Variants in GIGYF2 observed in about 807,000 individuals in gnomAD.
The protein encoded by GIGYF2 is GRB10-interacting GYF protein 2.
A neutral mutation model predicts 208.1 loss-of-function variants in GIGYF2; 25 were observed. The observed-to-expected ratio is 0.12, with a 90% CI of 0.09 to 0.17. GIGYF2 has a LOEUF of 0.17. Ranked by LOEUF, GIGYF2 falls within the 10% of genes least tolerant of loss-of-function variation. GIGYF2 has a pLI of 1.00. For missense variants in GIGYF2, 1,302 were observed against 1,579.4 expected, an observed-to-expected ratio of 0.82 and a Z score of 2.98; for synonymous variants, 534 against 543.8, an observed-to-expected ratio of 0.98 and a Z score of 0.25.
At chr2:232,746,539 A>G (rs916703871) in intron 3 of GIGYF2, among the ~76,000 whole-genome samples, 2 of 152,192 alleles carry the variant, frequency 1.3e-5, no homozygotes, top group Non-Finnish European at 2.9e-5. Context: ...ACACAGTGCT[A>G]CAGTAGAATC....
In GIGYF2 at chr2:232,784,386, C is replaced by CTTTTTTTTTTTTT. The variant is rs10645449; in HGVS notation, c.533-2755_533-2743dup. 1.8e-3 allele frequency among the ~76,000 whole-genome samples: 166 copies of CTTTTTTTTTTTTT among 92,292 alleles called. 13 individuals are homozygous for CTTTTTTTTTTTTT. Among genetic ancestry groups the CTTTTTTTTTTTTT allele is most frequent in the Middle Eastern group, 8.9e-3 (1 of 112 alleles). 60.5% of individuals were successfully genotyped at this position (92,292 alleles called of 152,430 possible). A position where few individuals can be genotyped will look rare whatever the true frequency, so the allele number is the denominator to read the frequency against. On this transcript the variant is annotated intron_variant, in intron 8 of 28. Transcript: ENST00000373563. ...TCTAGCTACTTACACGAAATAATTT[C>CTTTTTTTTTTTTT]TTTTTTTTTTTTTTTTTTTTTGAGA...
intron 3 of GIGYF2, among the ~76,000 whole-genome samples, chr2:232,739,716 C>T (rs1210177081): frequency 6.6e-6 from 1 of 151,984 alleles, no homozygotes; most frequent in African/African-American, 2.4e-5. Context: ...GGGGAAAGAT[C>T]TAAGTTACCC....
intron 2 of GIGYF2, among the ~76,000 whole-genome samples, chr2:232,714,241 A>G (rs1200452636): frequency 6.6e-6 from 1 of 152,124 alleles, no homozygotes. Flanking sequence ...GTGAGCCACC[A>G]TGCCGGACCG....
intron 2 of GIGYF2, among the ~76,000 whole-genome samples, chr2:232,727,093 TA>T (rs1697236474): frequency 1.3e-5 from 2 of 152,134 alleles, no homozygotes; most frequent in African/African-American, 4.8e-5. Flanking sequence ...GCTTCCTGAG[TA>T]ACTGGGATTA....
chr2:232,707,504 T>C (rs146676305), intron 2 of GIGYF2, among the ~76,000 whole-genome samples: 2 of 152,176 alleles, frequency 1.3e-5, no homozygotes. Flanking sequence ...GTGGTGCTGC[T>C]CAAACCATGA....
At chr2:232,831,347 A>C (rs1701420696) in intron 21 of GIGYF2, among the ~76,000 whole-genome samples, 1 of 152,166 alleles carries the variant, frequency 6.6e-6, no homozygotes, top group South Asian at 2.1e-4. Context: ...TTAGACATAG[A>C]TAGCTTCCAA....
chr2:232,858,254 T>C lies in GIGYF2; in HGVS notation c.*1394T>C. ...CCCCTGGAAAAGCACCTTTGCTGCC[T>C]GTCATTGTTGCCTGAAGAAGGCTGG... On this transcript the variant is annotated 3_prime_UTR_variant, in exon 29 of 29. Transcript: ENST00000373563. 5.8e-6 allele frequency: 2 copies of C among 342,882 alleles called. No homozygotes were observed. Among genetic ancestry groups the C allele is most frequent in the South Asian group, 2.4e-5 (1 of 41,902 alleles). 21.2% of individuals were successfully genotyped at this position (342,882 alleles called of 1,614,324 possible).
chr2:232,774,086 G>A (rs1052157251), intron 8 of GIGYF2, among the ~76,000 whole-genome samples: 2 of 150,800 alleles, frequency 1.3e-5, no homozygotes, highest in Non-Finnish European at 3.0e-5. Flanking sequence ...ATTCAAGACC[G>A]ATCTGGCCAA....
At chr2:232,799,561 T>G (rs1476364593) in intron 14 of GIGYF2, among the ~76,000 whole-genome samples, 1 of 149,504 alleles carries the variant, frequency 6.7e-6, no homozygotes, top group Non-Finnish European at 1.5e-5. Flanking sequence ...AAAATAATAA[T>G]AATAATAATA....
chr2:232,837,393 T>C (rs1449213522), intron 22 of GIGYF2, among the ~76,000 whole-genome samples: 1 of 152,234 alleles, frequency 6.6e-6, no homozygotes, highest in Admixed American at 6.5e-5. Flanking sequence ...TACTGAGTTT[T>C]AGCAAATATT....
intron 8 of GIGYF2, chr2:232,771,053 T>A: frequency 6.2e-7 from 1 of 1,614,032 alleles, no homozygotes; most frequent in Non-Finnish European, 8.5e-7. Context: ...GTGAAACTGG[T>A]GATATACTTG....
intron 21 of GIGYF2, among the ~76,000 whole-genome samples, chr2:232,826,826 A>G (rs924857334): frequency 2.6e-5 from 4 of 152,366 alleles, no homozygotes; most frequent in East Asian, 1.9e-4. Flanking sequence ...GAGTCAGTCA[A>G]TGCAGCAGAC....
chr2:232,760,960 A>G (rs1027259158), intron 7 of GIGYF2, among the ~76,000 whole-genome samples: 19 of 152,008 alleles, frequency 1.2e-4, no homozygotes, highest in African/African-American at 4.6e-4. Context: ...AGATATCTGT[A>G]CAAGAATGTT....
chr2:232,732,139 A>G (rs909883352), intron 2 of GIGYF2, among the ~76,000 whole-genome samples: 20 of 152,166 alleles, frequency 1.3e-4, no homozygotes, highest in African/African-American at 4.6e-4. Context: ...GGAATTCTCT[A>G]TTACTCTGTC....
intron 2 of GIGYF2, among the ~76,000 whole-genome samples, chr2:232,732,163 T>A (rs533812177): frequency 6.6e-6 from 1 of 152,320 alleles, no homozygotes; most frequent in South Asian, 2.1e-4. Flanking sequence ...AATTTAAAAT[T>A]TAGTCGTTTG....
Position 232,806,439 on chromosome 2 carries a change from T to C in GIGYF2, c.1640-52T>C. 7.9e-7 allele frequency: 1 copy of C among 1,271,068 alleles called. No homozygotes were observed. The allele number at this position is 1,271,068 out of a possible 1,614,324, so 78.7% of individuals were successfully genotyped here. On this transcript the variant is annotated intron_variant, in intron 14 of 28. Transcript: ENST00000373563. This position sits in a 1 kb window ranked among gnomAD's most constrained non-coding sequence, Gnocchi z 4.0. Reference sequence around the variant, plus strand: ...GATGCAGGAAATATTTTTTTTCTCTTTGAGTCTGAAAGGTTTCTTATTGTC... The same window carrying C: ...GATGCAGGAAATATTTTTTTTCTCTCTGAGTCTGAAAGGTTTCTTATTGTC...
In GIGYF2 at chr2:232,768,353, G is replaced by A. The variant is rs1463907431; in HGVS notation, c.532+6917G>A. The A allele has an allele frequency of 8.7e-6, 14 of 1,613,972 alleles. No homozygotes were observed. Among genetic ancestry groups the A allele is most frequent in the Non-Finnish European group, 1.2e-5 (14 of 1,180,012 alleles). On this transcript the variant is annotated intron_variant, in intron 8 of 28. Transcript: ENST00000373563. ...CCATCTTGATTTGATATTCACCTTTGGAACCTCGGGTCAACAGAGATGCAA... is the reference window on the plus strand; with the variant it reads ...CCATCTTGATTTGATATTCACCTTTAGAACCTCGGGTCAACAGAGATGCAA...
chr2:232,843,067 CATT>C (rs1701867757), intron 23 of GIGYF2: 1 of 151,428 alleles, frequency 6.6e-6, no homozygotes, highest in Admixed American at 6.6e-5. Flanking sequence ...CATTGGTTCT[CATT>C]ATTTATCTGC....
At chr2:232,734,604 C>T (rs1697652751) in intron 2 of GIGYF2, 1 of 152,538 alleles carries the variant, frequency 6.6e-6, no homozygotes, top group South Asian at 2.1e-4. Context: ...GAGTTCGAGA[C>T]CAGCTTGAGC....
Sources: gnomAD v4.1 joint callset for allele counts (sites outside exome capture counted in the v4.1 genomes callset) on GRCh38, gnomAD v4.1.1 for gene constraint, Gnocchi (gnomAD v3.1) non-coding constraint, MANE v1.5 for transcripts, NCBI Gene and HGNC (gene_info 2026-07-23, HGNC 2026-07-21) for gene names.